Variants in LPGAT1 observed in about 807,000 individuals in gnomAD.
LPGAT1 encodes the protein acyl-CoA:lysophosphatidylglycerol acyltransferase 1.
LPGAT1 carries 11 observed loss-of-function variants against 47.5 expected under a neutral mutation model. The ratio of observed to expected loss-of-function variants is 0.23; its 90% CI spans 0.15 to 0.38. The LOEUF (loss-of-function observed/expected upper bound fraction) is 0.38, where lower values mean the gene tolerates loss of function less well. Ranked by LOEUF, LPGAT1 falls within the 10% of genes least tolerant of loss-of-function variation. The probability of loss-of-function intolerance (pLI) is 1.00; values close to 1 mark genes in which losing one functional copy is unlikely to be tolerated. For missense variants in LPGAT1, 293 were observed against 439.0 expected (o/e 0.67, Z 2.97); for synonymous variants, 138 against 144.2 (o/e 0.96, Z 0.31).
At chr1:211,757,797 G>A (rs113447251) in intron 6 of LPGAT1, among the ~76,000 whole-genome samples, 2,458 of 152,238 alleles carry the variant, frequency 0.016, 41 homozygotes, top group Non-Finnish European at 0.025. Flanking sequence ...TCTTCAAAGG[G>A]TAACTTCCAT....
intron 2 of LPGAT1, among the ~76,000 whole-genome samples, chr1:211,798,080 ACTC>A (rs1659419262): frequency 1.3e-5 from 2 of 151,978 alleles, no homozygotes; most frequent in Non-Finnish European, 2.9e-5. Context: ...CCCATCAAAA[ACTC>A]CTTAACAACA....
intron 3 of LPGAT1, among the ~76,000 whole-genome samples, chr1:211,791,757 A>C (rs1316799919): frequency 2.1e-5 from 3 of 140,000 alleles, no homozygotes; most frequent in African/African-American, 5.0e-5. Context: ...AAAAAAAAAA[A>C]AAAAAAAACA....
At chr1:211,826,015 G>A (rs12568179) in intron 2 of LPGAT1, among the ~76,000 whole-genome samples, 12,718 of 152,072 alleles carry the variant, frequency 0.084, 654 homozygotes, top group Admixed American at 0.15. Context: ...GTAGCAAGCC[G>A]GGGATGAACA....
chr1:211,800,139 A>T (rs1659515863), intron 2 of LPGAT1, among the ~76,000 whole-genome samples: 1 of 151,458 alleles, frequency 6.6e-6, no homozygotes. Flanking sequence ...GGTTTAAGTG[A>T]TTCTCCTGCC....
rs1052115182 is a variant in LPGAT1, at chr1:211,829,466, G to A, written c.-27-143C>T. On this transcript the variant is annotated intron_variant, in intron 1 of 7. Transcript: ENST00000366997. ...GTGTAGTACCTCGGTGATCTCTCAG[G>A]GGAAATTCCAGAGGGGGACAGAGAG... 4 of 1,442,682 alleles carry A rather than the reference G, an allele frequency of 2.8e-6. No individual in the cohort carries two copies. In the Admixed American group the frequency reaches 1.1e-4, roughly 40 times the overall value. 89.4% of individuals were successfully genotyped at this position (1,442,682 alleles called of 1,614,324 possible).
intron 2 of LPGAT1, among the ~76,000 whole-genome samples, chr1:211,808,715 CT>C (rs140346022): frequency 0.023 from 3,554 of 152,326 alleles, 145 homozygotes; most frequent in African/African-American, 0.08. Context: ...AAACCCACTT[CT>C]GGATATTTAC....
At chr1:211,764,672 T>C (rs1657834117) in intron 6 of LPGAT1, among the ~76,000 whole-genome samples, 1 of 152,170 alleles carries the variant, frequency 6.6e-6, no homozygotes, top group African/African-American at 2.4e-5. Context: ...TAGAACAGTT[T>C]AAAAAAGAAA....
intron 2 of LPGAT1, among the ~76,000 whole-genome samples, chr1:211,795,749 A>C (rs931622116): frequency 3.3e-5 from 5 of 152,176 alleles, no homozygotes; most frequent in African/African-American, 1.2e-4. Flanking sequence ...CCTCCAATGG[A>C]GACACACGGA....
intron 4 of LPGAT1, among the ~76,000 whole-genome samples, chr1:211,786,376 T>C (rs562783611): frequency 4.1e-4 from 62 of 150,196 alleles, no homozygotes; most frequent in African/African-American, 1.5e-3. Context: ...CAATTATTCA[T>C]TAAGTAATAA....
chr1:211,819,489 C>T (rs1660291352), intron 2 of LPGAT1, among the ~76,000 whole-genome samples: 2 of 152,034 alleles, frequency 1.3e-5, no homozygotes, highest in Admixed American at 1.3e-4. Flanking sequence ...AAGACCCTGT[C>T]TCCAACAACA....
At chr1:211,768,845 A>G (rs1658047106) in intron 6 of LPGAT1, among the ~76,000 whole-genome samples, 2 of 152,202 alleles carry the variant, frequency 1.3e-5, no homozygotes, top group Non-Finnish European at 2.9e-5. Flanking sequence ...GCCTGAAGGC[A>G]GTGATGGTGA....
At chr1:211,815,703 C>T (rs1370521021) in intron 2 of LPGAT1, among the ~76,000 whole-genome samples, 1 of 151,822 alleles carries the variant, frequency 6.6e-6, no homozygotes, top group East Asian at 1.9e-4. Context: ...CTAAACTCCT[C>T]TCCCCCTCAC....
intron 3 of LPGAT1, among the ~76,000 whole-genome samples, chr1:211,790,177 T>C (rs961002605): frequency 2.6e-5 from 4 of 152,148 alleles, no homozygotes; most frequent in African/African-American, 9.7e-5. Context: ...GTATGGAAAC[T>C]GCAGGATAAT....
rs553787681 is a variant in LPGAT1, at chr1:211,785,897, G to A, written c.453+1735C>T. Among the ~76,000 whole-genome samples, 15 of 152,092 alleles carry A rather than the reference G, an allele frequency of 9.9e-5. 1 individual carries two copies. In the South Asian group the frequency reaches 2.7e-3, roughly 27 times the overall value. On this transcript the variant is annotated intron_variant, in intron 4 of 7. Transcript: ENST00000366997. ...GCTGGGATTACAGGCATGAGCCACC[G>A]AGCCCAGCCCCTCTTCTTGATGCCT...
chr1:211,789,739 G>A (rs974236479), intron 3 of LPGAT1, among the ~76,000 whole-genome samples: 1 of 151,932 alleles, frequency 6.6e-6, no homozygotes, highest in African/African-American at 2.4e-5. Context: ...GTGTGGTGGC[G>A]GACACCTGTA....
In LPGAT1 at chr1:211,750,035, G is replaced by C; in HGVS notation, c.977C>G (p.Ser326Cys). 1 of 1,613,240 alleles carries C rather than the reference G, an allele frequency of 6.2e-7. No homozygotes were observed. Among genetic ancestry groups the C allele is most frequent in the Non-Finnish European group, 8.5e-7 (1 of 1,179,798 alleles). ...HFYETGAFPP[S>C]KGHKEAVSRE... ...GGAAACAGCTTCCTTATGGCCCTTG[G>C]AAGGTGGAAAAGCTCCTAAAAGACA... Residue 326 changes from serine (S) to cysteine (C), a missense_variant, in exon 8 of 8, where the codon TCC becomes TGC. By Grantham distance (112) the Ser-to-Cys change is moderately radical. Transcript: ENST00000366997.
intron 2 of LPGAT1, among the ~76,000 whole-genome samples, chr1:211,818,127 A>G (rs1160542226): frequency 6.6e-6 from 1 of 152,128 alleles, no homozygotes; most frequent in Non-Finnish European, 1.5e-5. Context: ...GAACCACCGT[A>G]CCCAGCCAAC....
In LPGAT1 at chr1:211,829,195, T is replaced by G; in HGVS notation, c.102A>C (p.Pro34=). The G allele has an allele frequency of 6.2e-7, 1 of 1,614,152 alleles. No individual in the cohort carries two copies. Among genetic ancestry groups the G allele is most frequent in the Non-Finnish European group, 8.5e-7 (1 of 1,180,030 alleles). The part of the protein sequence containing the change: ...FMVVNNLVAI[P]SYICYVIILQ... ...GTATAATTACATAGCAGATGTAGGA[T>G]GGAATAGCAACCAGGTTGTTGACGA... The change falls in exon 2 of 8, where the codon CCA becomes CCC. Residue 34 remains proline, a synonymous_variant. Transcript: ENST00000366997.
At chr1:211,778,653 T>G (rs1658513786) in intron 6 of LPGAT1, among the ~76,000 whole-genome samples, 1 of 152,196 alleles carries the variant, frequency 6.6e-6, no homozygotes, top group South Asian at 2.1e-4. Flanking sequence ...TATTTATCCT[T>G]GATGTTTGCC....
Sources: allele counts gnomAD v4.1 joint callset (sites outside exome capture counted in the v4.1 genomes callset), GRCh38; gene constraint gnomAD v4.1.1; transcripts MANE v1.5; gene names NCBI Gene and HGNC (gene_info 2026-07-23, HGNC 2026-07-21).